Variants in TTLL5 observed in about 807,000 individuals in gnomAD.
The protein encoded by TTLL5 is tubulin polyglutamylase TTLL5.
TTLL5 carries 132 observed loss-of-function variants against 168.4 expected under a neutral mutation model. The observed-to-expected ratio is 0.78, with a 90% confidence interval of 0.68 to 0.91. The LOEUF (loss-of-function observed/expected upper bound fraction) is 0.91. TTLL5 is among the 40% of genes least tolerant of loss of function. TTLL5 has a pLI of 0.00. For missense variants in TTLL5, 1,545 were observed against 1,581.5 expected, an observed-to-expected ratio of 0.98 and a Z score of 0.39; for synonymous variants, 546 against 558.6, an observed-to-expected ratio of 0.98 and a Z score of 0.32.
intron 30 of TTLL5, among the ~76,000 whole-genome samples, chr14:75,893,320 A>G (rs2032492909): frequency 6.6e-6 from 1 of 152,226 alleles, no homozygotes; most frequent in Non-Finnish European, 1.5e-5. Flanking sequence ...TAGACACATC[A>G]TAGTAGCAAG....
chr14:75,932,121 C>T (rs910303133), intron 31 of TTLL5, among the ~76,000 whole-genome samples: 1 of 152,190 alleles, frequency 6.6e-6, no homozygotes, highest in Admixed American at 6.5e-5. Flanking sequence ...ATATTCATAT[C>T]TTGTAAATTA....
intron 30 of TTLL5, among the ~76,000 whole-genome samples, chr14:75,890,519 G>A (rs2032348324): frequency 6.6e-6 from 1 of 152,032 alleles, no homozygotes; most frequent in Non-Finnish European, 1.5e-5. Flanking sequence ...AAAACTAGAT[G>A]AAAGATAATA....
intron 28 of TTLL5, among the ~76,000 whole-genome samples, chr14:75,855,324 T>C (rs1349180553): frequency 1.3e-5 from 2 of 152,194 alleles, no homozygotes; most frequent in East Asian, 1.9e-4. Context: ...TGATAAAATA[T>C]AAAATACAAC....
chr14:75,800,363 G>T (rs1021509777), intron 27 of TTLL5, among the ~76,000 whole-genome samples: 4 of 151,842 alleles, frequency 2.6e-5, no homozygotes, highest in Non-Finnish European at 5.9e-5. Flanking sequence ...AGATTTTTTG[G>T]TCCATGTCCT....
In TTLL5 at chr14:75,828,570, T is replaced by TG. The variant is rs201065882; in HGVS notation, c.3326+8415dup. Among the ~76,000 whole-genome samples, 624 of 152,292 alleles carry TG rather than the reference T, an allele frequency of 4.1e-3. 3 individuals are homozygous for TG. The highest frequency in any genetic ancestry group is 0.014 in the East Asian group (75 of 5,180). On this transcript the variant is annotated intron_variant, in intron 28 of 31. Transcript: ENST00000298832. ...TAGGCTATTAGTAGTTGAGTTTTTGTGGGGGGTCAGAAGTTGTACCTGAAT... is the reference window on the plus strand; with the variant it reads ...TAGGCTATTAGTAGTTGAGTTTTTGTGGGGGGGTCAGAAGTTGTACCTGAAT...
rs533810949 is a variant in TTLL5, at chr14:75,798,626, G to A, written c.3171+5526G>A. Among the ~76,000 whole-genome samples, 9 of 152,000 alleles carry A rather than the reference G, an allele frequency of 5.9e-5. No homozygotes were observed. The South Asian group carries it at 1.0e-3, about 18-fold the overall frequency. ...AGCTATGAACTTTCGTCTTAGCACC[G>A]CTTTTGCTGTATCCCAGAGATTTTG... On this transcript the variant is annotated intron_variant, in intron 27 of 31. Transcript: ENST00000298832.
intron 28 of TTLL5, among the ~76,000 whole-genome samples, chr14:75,840,826 C>G (rs78246632): frequency 4.6e-5 from 7 of 152,066 alleles, no homozygotes; most frequent in Non-Finnish European, 8.8e-5. Flanking sequence ...TTAATTCATT[C>G]TTGCATTGCT....
intron 27 of TTLL5, among the ~76,000 whole-genome samples, chr14:75,805,793 AT>A (rs5809729): frequency 0.13 from 19,990 of 152,168 alleles, 1,396 homozygotes; most frequent in African/African-American, 0.16. Context: ...ATCCCAGGGA[AT>A]TTAGGAATGG....
intron 31 of TTLL5, among the ~76,000 whole-genome samples, chr14:75,927,823 A>G (rs2034127215): frequency 6.6e-6 from 1 of 152,206 alleles, no homozygotes; most frequent in Non-Finnish European, 1.5e-5. Context: ...GACCTTGACT[A>G]TAGTTTCACA....
chr14:75,717,010 T>G (rs934369676), intron 9 of TTLL5, among the ~76,000 whole-genome samples: 2 of 152,214 alleles, frequency 1.3e-5, no homozygotes, highest in Admixed American at 1.3e-4. Flanking sequence ...AAATGAGTAT[T>G]ATGGATCAGT....
chr14:75,783,253 T>TA lies in TTLL5; in HGVS notation c.2710dup (p.Thr904AsnfsTer4). ...TTCCCAACACCCATTTGTCATCTGT[T>TA]ACAACCTCTGACCTCTCTCCAGGGC... On this transcript the variant is annotated frameshift_variant, in exon 26 of 32. Transcript: ENST00000298832. LOFTEE classifies it high-confidence loss of function. 6.2e-7 allele frequency: 1 copy of TA among 1,614,232 alleles called. No individual in the cohort carries two copies. Among genetic ancestry groups the TA allele is most frequent in the Non-Finnish European group, 8.5e-7 (1 of 1,180,032 alleles).
At position 75,925,211 on chromosome 14, in the gene TTLL5, C is replaced by T. The variant is rs1393301922; in HGVS notation, c.3823+22987C>T. Reference sequence around the variant, plus strand: ...CTGACCCCCCCACCTCCCTCCCGGACGGGGCGGCTGGCCTGGCGGGGGCTG... The same window carrying T: ...CTGACCCCCCCACCTCCCTCCCGGATGGGGCGGCTGGCCTGGCGGGGGCTG... On this transcript the variant is annotated intron_variant, in intron 31 of 31. Coordinates refer to ENST00000298832, the MANE Select transcript of TTLL5 (RefSeq NM_015072.5). 5.6e-5 allele frequency among the ~76,000 whole-genome samples: 8 copies of T among 143,386 alleles called. 1 individual carries two copies. The highest frequency in any genetic ancestry group is 7.9e-5 in the African/African-American group (3 of 37,896). 94.1% of individuals were successfully genotyped at this position (143,386 alleles called of 152,430 possible).
intron 31 of TTLL5, among the ~76,000 whole-genome samples, chr14:75,931,441 A>G (rs1595292563): frequency 6.6e-6 from 1 of 152,296 alleles, no homozygotes; most frequent in Non-Finnish European, 1.5e-5. Context: ...TCAGTTAACA[A>G]CTTAACAAGT....
intron 31 of TTLL5, among the ~76,000 whole-genome samples, chr14:75,942,198 A>G (rs901550546): frequency 7.0e-6 from 1 of 142,828 alleles, no homozygotes; most frequent in East Asian, 2.0e-4. Context: ...AAAAAAAAAA[A>G]TGTGTATCCC....
chr14:75,954,261 A>G (rs1404264952), intron 31 of TTLL5, among the ~76,000 whole-genome samples, 163 bp from the exon 32 acceptor site: 1 of 151,424 alleles, frequency 6.6e-6, no homozygotes, highest in Non-Finnish European at 1.5e-5. Flanking sequence ...TCAAAAAAAA[A>G]AAAAAAAAAA....
chr14:75,732,419 G>A lies in TTLL5; in HGVS notation c.1124G>A (p.Cys375Tyr). Residue 375 changes from cysteine (C) to tyrosine (Y), a missense_variant and splice_region_variant, in exon 13 of 32, where the codon TGT (cysteine) becomes TAT (tyrosine). Coordinates refer to ENST00000298832, the MANE Select transcript of TTLL5 (RefSeq NM_015072.5). ...GTGAATCTCTCTCCTTCTTTGGCCT[G>A]GTAAGTCAGTTCCATCAACTAAAAA... ...LEVNLSPSLA[C>Y]DAPLDLKIKA... is the part of the protein sequence containing the mutation. 1 of 1,613,210 alleles carries A rather than the reference G, an allele frequency of 6.2e-7. No individual in the cohort carries two copies. The highest frequency in any genetic ancestry group is 2.2e-5 in the East Asian group (1 of 44,798).
rs1891737610 is a variant in TTLL5, at chr14:75,776,611, A to C, written c.2284-136A>C. On this transcript the variant is annotated intron_variant, in intron 22 of 31. Transcript: ENST00000298832. ...ATATGTCAAATTTATAGGTGGCAAA[A>C]GTACATACAAGAATTAAATGTCTTT... 1.2e-5 allele frequency: 6 copies of C among 510,534 alleles called. No individual in the cohort carries two copies. In the East Asian group the frequency reaches 2.0e-4, roughly 17 times the overall value. 31.6% of individuals were successfully genotyped at this position (510,534 alleles called of 1,614,324 possible). A position where few individuals can be genotyped will look rare whatever the true frequency, so the allele number is the denominator to read the frequency against.
At chr14:75,858,938 C>T (rs1227437609) in intron 28 of TTLL5, among the ~76,000 whole-genome samples, 5 of 152,172 alleles carry the variant, frequency 3.3e-5, no homozygotes, top group Admixed American at 6.5e-5. Flanking sequence ...ACACCCTGAC[C>T]TCCGCCAATT....
In TTLL5 at chr14:75,789,774, CAA is replaced by C. The variant is rs1035226964; in HGVS notation, c.2987-3140_2987-3139del. 1.5e-3 allele frequency among the ~76,000 whole-genome samples: 229 copies of C among 152,264 alleles called. 1 individual carries two copies. Among genetic ancestry groups the C allele is most frequent in the African/African-American group, 5.1e-3 (213 of 41,558 alleles). On this transcript the variant is annotated intron_variant, in intron 26 of 31. Transcript: ENST00000298832. ...CATGCATAGGAAGACTCAATATCATCAAAGTTTCCATTTTCATCACATTGATC... is the reference window on the plus strand; with the variant it reads ...CATGCATAGGAAGACTCAATATCATCAGTTTCCATTTTCATCACATTGATC...
Sources: allele counts gnomAD v4.1 joint callset (sites outside exome capture counted in the v4.1 genomes callset), GRCh38; gene constraint gnomAD v4.1.1; transcripts MANE v1.5; gene names NCBI Gene and HGNC (gene_info 2026-07-23, HGNC 2026-07-21).